The following ATP8A2 variants were observed in gnomAD, a reference collection of about 807,000 sequenced individuals.
ATP8A2 encodes the protein phospholipid-transporting ATPase IB.
ATP8A2 carries 100 observed loss-of-function variants against 165.6 expected under a neutral mutation model. The observed-to-expected ratio is 0.60, with a 90% CI of 0.51 to 0.71. The LOEUF (loss-of-function observed/expected upper bound fraction) is 0.71. Among genes scored for constraint, ATP8A2 ranks in the 30% least tolerant of loss-of-function variants. The pLI is 0.00. For missense variants in ATP8A2, 1,227 were observed against 1,479.5 expected (o/e 0.83, Z 2.80); for synonymous variants, 543 against 548.8 (o/e 0.99, Z 0.15).
chr13:25,649,607 G>T (rs4640038), intron 24 of ATP8A2, among the ~76,000 whole-genome samples: 1 of 152,046 alleles, frequency 6.6e-6, no homozygotes, highest in Non-Finnish European at 1.5e-5. Flanking sequence ...TGCTGCATTG[G>T]TTGTCTCCCT....
intron 1 of ATP8A2, among the ~76,000 whole-genome samples, chr13:25,426,858 A>G (rs967912149): frequency 1.3e-5 from 2 of 152,108 alleles, no homozygotes; most frequent in Admixed American, 6.5e-5. Context: ...AGAGAGGAGA[A>G]TCGACTGAAT....
intron 1 of ATP8A2, among the ~76,000 whole-genome samples, chr13:25,404,832 A>G (rs2033748983): frequency 6.6e-6 from 1 of 151,756 alleles, no homozygotes; most frequent in Admixed American, 6.6e-5. Context: ...ATCAATGGGC[A>G]CTCGTGGGAA....
intron 33 of ATP8A2, among the ~76,000 whole-genome samples, chr13:25,902,227 C>T (rs1044802838): frequency 6.6e-6 from 1 of 152,178 alleles, no homozygotes; most frequent in Non-Finnish European, 1.5e-5. Context: ...CAATTCCGGT[C>T]AGAAGACATT....
At chr13:25,435,122 CTTT>C (rs563922531) in intron 1 of ATP8A2, among the ~76,000 whole-genome samples, 8 of 136,654 alleles carry the variant, frequency 5.9e-5, no homozygotes, top group Non-Finnish European at 8.0e-5. Flanking sequence ...CATAGGAAAT[CTTT>C]TTTTTTTTTT....
At chr13:25,672,101 G>C (rs150089462) in intron 24 of ATP8A2, among the ~76,000 whole-genome samples, 4 of 152,154 alleles carry the variant, frequency 2.6e-5, no homozygotes, top group Admixed American at 2.6e-4. Flanking sequence ...TTGCTCAGTG[G>C]GGGACACTGT....
chr13:25,837,847 A>T (rs74038032), intron 29 of ATP8A2, among the ~76,000 whole-genome samples: 4,927 of 152,270 alleles, frequency 0.032, 272 homozygotes, highest in African/African-American at 0.11. Context: ...AAAAATAAAA[A>T]AAAGAAAGAT....
At chr13:25,682,494 C>G (rs1254257832) in intron 24 of ATP8A2, among the ~76,000 whole-genome samples, 1 of 152,168 alleles carries the variant, frequency 6.6e-6, no homozygotes, top group Admixed American at 6.5e-5. Flanking sequence ...TCTTAAAGCT[C>G]ATACGAGAGT....
chr13:25,619,034 T>C (rs770427247), intron 24 of ATP8A2, among the ~76,000 whole-genome samples: 60 of 152,190 alleles, frequency 3.9e-4, no homozygotes, highest in African/African-American at 7.2e-5. Flanking sequence ...AATAAAATAG[T>C]TAAAAATACA....
chr13:25,427,601 AAAAC>A (rs1025938669), intron 1 of ATP8A2, among the ~76,000 whole-genome samples: 2 of 152,158 alleles, frequency 1.3e-5, no homozygotes, highest in African/African-American at 4.8e-5. Context: ...TTCTCTAAAA[AAAAC>A]AAACAAATGG....
intron 35 of ATP8A2, among the ~76,000 whole-genome samples, chr13:25,978,457 A>C (rs1956107588): frequency 6.6e-6 from 1 of 152,246 alleles, no homozygotes; most frequent in South Asian, 2.1e-4. Flanking sequence ...GTTACAATTT[A>C]GATGTTATCT....
At chr13:25,633,450 A>G (rs1441047677) in intron 24 of ATP8A2, among the ~76,000 whole-genome samples, 13 of 152,202 alleles carry the variant, frequency 8.5e-5, no homozygotes, top group Non-Finnish European at 1.3e-4. Flanking sequence ...AGAGAGCAAG[A>G]GAGTGCATGG....
Position 25,412,105 on chromosome 13 carries a change from G to A in ATP8A2, c.76+39817G>A, listed in dbSNP as rs142678515. Among the ~76,000 whole-genome samples, 492 of 152,260 alleles carry A rather than the reference G, an allele frequency of 3.2e-3. 6 individuals are homozygous for A. The highest frequency in any genetic ancestry group is 0.011 in the African/African-American group (460 of 41,550). The stretch of plus-strand genomic sequence containing the variant: ...TTGTAAACAGAAAGTTCCTTTGGCC[G>A]GGGGTGGTGGGTGCCCCTCTCAGAG... On this transcript the variant is annotated intron_variant, in intron 1 of 36. Transcript: ENST00000381655.
chr13:26,004,865 A>G (rs998798571), intron 35 of ATP8A2, among the ~76,000 whole-genome samples: 3 of 152,012 alleles, frequency 2.0e-5, no homozygotes, highest in African/African-American at 7.2e-5. Context: ...GATTCTTTCA[A>G]TGTGTTGTTA....
In ATP8A2 at chr13:25,774,068, G is replaced by C. The variant is rs150832983; in HGVS notation, c.2569-781G>C. 1.2e-3 allele frequency among the ~76,000 whole-genome samples: 184 copies of C among 152,232 alleles called. No homozygotes were observed. In the Middle Eastern group the frequency reaches 0.014, roughly 11 times the overall value. ...TGCTTAGAGATATCTGACTTCCACTGTACTTTTCTTTCAGTTTAGTAGCTC... is the reference window on the plus strand; with the variant it reads ...TGCTTAGAGATATCTGACTTCCACTCTACTTTTCTTTCAGTTTAGTAGCTC... On this transcript the variant is annotated intron_variant, in intron 26 of 36. Coordinates refer to ENST00000381655, the MANE Select transcript of ATP8A2 (RefSeq NM_016529.6).
chr13:25,849,482 T>C (rs1951954180), intron 30 of ATP8A2, among the ~76,000 whole-genome samples: 1 of 152,250 alleles, frequency 6.6e-6, no homozygotes, highest in Non-Finnish European at 1.5e-5. Context: ...CCTAGCTCTT[T>C]GGAATATTCT....
intron 25 of ATP8A2, among the ~76,000 whole-genome samples, chr13:25,743,968 C>T (rs1367285756): frequency 6.6e-6 from 1 of 152,178 alleles, no homozygotes; most frequent in Non-Finnish European, 1.5e-5. Flanking sequence ...TCAGTTAATC[C>T]TATGACTACA....
chr13:25,689,082 TG>T (rs2042668093), intron 24 of ATP8A2, among the ~76,000 whole-genome samples: 1 of 152,218 alleles, frequency 6.6e-6, no homozygotes, highest in Non-Finnish European at 1.5e-5. Flanking sequence ...GTGTGGTGGC[TG>T]TGTCTTCAAA....
intron 33 of ATP8A2, among the ~76,000 whole-genome samples, chr13:25,870,054 G>A (rs1952632291): frequency 6.6e-6 from 1 of 152,172 alleles, no homozygotes; most frequent in Non-Finnish European, 1.5e-5. Flanking sequence ...TCAGCAGATG[G>A]GGGAGCCAGA....
In ATP8A2 at chr13:25,960,914, T is replaced by C. The variant is rs56302449; in HGVS notation, c.3184-661T>C. ...ATCCTTCCACTTGGAATCTCTGTCCTTCTACCCATCTCTAGCTACTGAAAT... is the reference window on the plus strand; with the variant it reads ...ATCCTTCCACTTGGAATCTCTGTCCCTCTACCCATCTCTAGCTACTGAAAT... On this transcript the variant is annotated intron_variant, in intron 33 of 36. Transcript: ENST00000381655. Among the ~76,000 whole-genome samples the C allele has an allele frequency of 9.2e-3, 1,400 of 152,286 alleles. 21 individuals are homozygous for C. The highest frequency in any genetic ancestry group is 9.7e-3 in the Non-Finnish European group (658 of 68,030).
Sources: allele counts gnomAD v4.1 joint callset (sites outside exome capture counted in the v4.1 genomes callset), GRCh38; gene constraint gnomAD v4.1.1; transcripts MANE v1.5; gene names NCBI Gene and HGNC (gene_info 2026-07-23, HGNC 2026-07-21).